Variants in TAFA2 observed in about 807,000 individuals in gnomAD.
TAFA2 encodes the protein TAFA chemokine like family member 2.
Under a neutral mutation model 18.8 loss-of-function variants are expected in TAFA2, and 7 were observed. That is an observed-to-expected ratio of 0.37 (90% confidence interval 0.21 to 0.70). The LOEUF (loss-of-function observed/expected upper bound fraction) is 0.70. TAFA2 is among the 30% of genes least tolerant of loss of function. TAFA2 has a pLI of 0.53. For synonymous variants in TAFA2, 60 were observed against 54.2 expected, an observed-to-expected ratio of 1.11 and a Z score of -0.47; for missense variants, 122 against 158.1, an observed-to-expected ratio of 0.77 and a Z score of 1.23.
At chr12:62,224,437 T>C (rs2062777673) in intron 1 of TAFA2, among the ~76,000 whole-genome samples, 1 of 152,118 alleles carries the variant, frequency 6.6e-6, no homozygotes, top group South Asian at 2.1e-4. Flanking sequence ...GGTGGCTGTC[T>C]TCTCACTGTG....
intron 2 of TAFA2, among the ~76,000 whole-genome samples, chr12:61,811,838 G>A (rs1871882656): frequency 6.6e-6 from 1 of 151,346 alleles, no homozygotes; most frequent in South Asian, 2.1e-4. Flanking sequence ...AGACAATTTG[G>A]GATCAGTTGA....
chr12:61,961,491 T>C (rs1446111218), intron 1 of TAFA2, among the ~76,000 whole-genome samples: 2 of 151,896 alleles, frequency 1.3e-5, no homozygotes, highest in Non-Finnish European at 2.9e-5. Flanking sequence ...TAACTGGGAG[T>C]TTCTTTCTTG....
intron 1 of TAFA2, among the ~76,000 whole-genome samples, chr12:62,126,941 A>G (rs1456589852): frequency 6.6e-6 from 1 of 152,132 alleles, no homozygotes; most frequent in East Asian, 1.9e-4. Context: ...GACATGATAT[A>G]GTAATATTAC....
intron 2 of TAFA2, among the ~76,000 whole-genome samples, chr12:61,797,554 T>TG (rs1367840257): frequency 6.7e-6 from 1 of 149,714 alleles, no homozygotes; most frequent in African/African-American, 2.5e-5. Context: ...CACAAAAGTC[T>TG]GAAAAAAAAA....
chr12:61,932,746 C>T (rs1009322727), intron 1 of TAFA2, among the ~76,000 whole-genome samples: 1 of 152,156 alleles, frequency 6.6e-6, no homozygotes, highest in Non-Finnish European at 1.5e-5. Flanking sequence ...AGCCCCATAA[C>T]TCTTGTAATG....
intron 1 of TAFA2, among the ~76,000 whole-genome samples, chr12:62,033,584 G>T (rs536208460): frequency 6.6e-6 from 1 of 152,024 alleles, no homozygotes. Context: ...GCTAGTCCAA[G>T]ATCAAATGAC....
chr12:62,057,725 A>G (rs894404048), intron 1 of TAFA2, among the ~76,000 whole-genome samples: 1 of 152,200 alleles, frequency 6.6e-6, no homozygotes, highest in Non-Finnish European at 1.5e-5. Context: ...AAAAGATAGG[A>G]ATTTAGGCCA....
intron 2 of TAFA2, among the ~76,000 whole-genome samples, chr12:61,757,920 A>G (rs557977097): frequency 6.6e-6 from 1 of 152,184 alleles, no homozygotes; most frequent in South Asian, 2.1e-4. Context: ...AGTTCCTTCT[A>G]GTAACTACTT....
intron 4 of TAFA2, among the ~76,000 whole-genome samples, chr12:61,731,338 G>T (rs1870440034): frequency 6.6e-6 from 1 of 152,048 alleles, no homozygotes; most frequent in African/African-American, 2.4e-5. Flanking sequence ...ACGTTCCTGT[G>T]GTGGTTCTTG....
At chr12:61,837,947 C>T (rs138177198) in intron 2 of TAFA2, among the ~76,000 whole-genome samples, 8 of 152,074 alleles carry the variant, frequency 5.3e-5, no homozygotes, top group Non-Finnish European at 5.9e-5. Context: ...GGCAGTGTGG[C>T]TCACAGAACT....
Position 62,249,549 on chromosome 12 carries a change from G to A in TAFA2, c.-130+9214C>T, listed in dbSNP as rs532663458. Among the ~76,000 whole-genome samples, 4 of 152,132 alleles carry A rather than the reference G, an allele frequency of 2.6e-5. No homozygotes were observed. The South Asian group carries it at 8.3e-4, about 32-fold the overall frequency. Reference sequence around the variant, plus strand: ...TTTCCTCTCTCACCATGTGATCTTTGCATATGCTAAATGTGCCTCAGTTTC... The same window carrying A: ...TTTCCTCTCTCACCATGTGATCTTTACATATGCTAAATGTGCCTCAGTTTC... On this transcript the variant is annotated intron_variant, in intron 1 of 5. Transcript: ENST00000551619.
upstream of TAFA2, among the ~76,000 whole-genome samples, chr12:62,197,765 T>A (rs759712176): frequency 6.6e-6 from 1 of 152,248 alleles, no homozygotes; most frequent in Non-Finnish European, 1.5e-5. Context: ...ATCTGTGTTG[T>A]TGTACATAGC....
At chr12:62,011,495 A>G (rs1272261043) in intron 1 of TAFA2, among the ~76,000 whole-genome samples, 1 of 152,158 alleles carries the variant, frequency 6.6e-6, no homozygotes, top group East Asian at 1.9e-4. Flanking sequence ...ACTCAGGGTT[A>G]AATGGATTAA....
At chr12:61,941,710 G>A (rs997590829) in intron 1 of TAFA2, among the ~76,000 whole-genome samples, 88 of 152,284 alleles carry the variant, frequency 5.8e-4, no homozygotes, top group African/African-American at 2.1e-3. Context: ...CTGGAAAATG[G>A]GGTCACTCCC....
chr12:61,905,248 G>C (rs1377609061), intron 1 of TAFA2, among the ~76,000 whole-genome samples: 2 of 152,116 alleles, frequency 1.3e-5, no homozygotes, highest in Admixed American at 6.6e-5. Context: ...CAGCATAAGA[G>C]ATTACTGTTC....
intron 1 of TAFA2, among the ~76,000 whole-genome samples, chr12:61,948,646 G>A (rs993659882): frequency 7.2e-5 from 11 of 152,150 alleles, no homozygotes; most frequent in Admixed American, 3.9e-4. Context: ...CAAATGTCAG[G>A]ATACTGGTTT....
At chr12:61,756,827 G>A (rs1352109320) in intron 2 of TAFA2, among the ~76,000 whole-genome samples, 3 of 152,044 alleles carry the variant, frequency 2.0e-5, no homozygotes, top group African/African-American at 7.2e-5. Context: ...TGAGAAGGAA[G>A]TCTCTAATAT....
intron 2 of TAFA2, among the ~76,000 whole-genome samples, chr12:61,770,839 A>C (rs1869993311): frequency 6.6e-6 from 1 of 152,062 alleles, no homozygotes; most frequent in Admixed American, 6.6e-5. Flanking sequence ...GGAAAAAAGA[A>C]ACCCAAGGTA....
chr12:61,919,249 T>C (rs546346681), intron 1 of TAFA2, among the ~76,000 whole-genome samples: 1 of 152,316 alleles, frequency 6.6e-6, no homozygotes, highest in Non-Finnish European at 1.5e-5. Flanking sequence ...ACCAAAAGAC[T>C]TGCTAATTTA....
Sources: gnomAD v4.1 joint callset for allele counts (sites outside exome capture counted in the v4.1 genomes callset) on GRCh38, gnomAD v4.1.1 for gene constraint, MANE v1.5 for transcripts, NCBI Gene and HGNC (gene_info 2026-07-23, HGNC 2026-07-21) for gene names.